SH3PXD2A: variants seen among roughly 807,000 people sequenced by gnomAD.
SH3PXD2A encodes SH3 and PX domains 2A.
SH3PXD2A carries 32 observed loss-of-function variants against 115.2 expected under a neutral mutation model. The observed-to-expected ratio is 0.28, with a 90% CI of 0.21 to 0.37. The LOEUF (loss-of-function observed/expected upper bound fraction) is 0.37. SH3PXD2A is among the 10% of genes least tolerant of loss of function. The pLI is 1.00. For missense variants in SH3PXD2A, 1,328 were observed against 1,498.7 expected, an observed-to-expected ratio of 0.89 and a Z score of 1.88; for synonymous variants, 610 against 629.1, an observed-to-expected ratio of 0.97 and a Z score of 0.45.
intron 3 of SH3PXD2A, among the ~76,000 whole-genome samples, chr10:103,742,699 T>C (rs769115039): frequency 6.6e-6 from 1 of 152,140 alleles, no homozygotes; most frequent in Non-Finnish European, 1.5e-5. Flanking sequence ...GGCATGGCGC[T>C]GGGTGAAATG....
At chr10:103,734,678 G>T (rs1039023162) in intron 4 of SH3PXD2A, among the ~76,000 whole-genome samples, 4 of 152,216 alleles carry the variant, frequency 2.6e-5, no homozygotes, top group Non-Finnish European at 5.9e-5. Flanking sequence ...GAACTCAGGA[G>T]GTGGAGGTTA....
At chr10:103,826,634 T>G (rs757148068) in intron 1 of SH3PXD2A, among the ~76,000 whole-genome samples, 4 of 152,164 alleles carry the variant, frequency 2.6e-5, no homozygotes, top group Non-Finnish European at 5.9e-5. Flanking sequence ...CCCTAGTGAG[T>G]GTAATTCCTT....
chr10:103,646,732 G>A (rs529811392), intron 8 of SH3PXD2A, among the ~76,000 whole-genome samples: 16 of 152,330 alleles, frequency 1.1e-4, no homozygotes, highest in African/African-American at 3.8e-4. Flanking sequence ...CTGGCATACA[G>A]CAGGAGATAA....
intron 2 of SH3PXD2A, among the ~76,000 whole-genome samples, chr10:103,782,961 G>T (rs778444397): frequency 6.6e-6 from 1 of 150,804 alleles, no homozygotes; most frequent in African/African-American, 2.5e-5. Context: ...GATTCTATGA[G>T]AGGTGCCATG....
chr10:103,782,489 G>C (rs566056645), intron 2 of SH3PXD2A, among the ~76,000 whole-genome samples: 26 of 152,314 alleles, frequency 1.7e-4, no homozygotes, highest in African/African-American at 5.8e-4. Flanking sequence ...GAGGACAGCA[G>C]GCCTCTCTCT....
At chr10:103,768,334 G>T (rs933394995) in intron 2 of SH3PXD2A, among the ~76,000 whole-genome samples, 2 of 152,220 alleles carry the variant, frequency 1.3e-5, no homozygotes, top group Non-Finnish European at 2.9e-5. Context: ...GCCTGACCTC[G>T]AGCTAGCAAT....
At chr10:103,701,652 TC>T (rs2037908664) in intron 5 of SH3PXD2A, among the ~76,000 whole-genome samples, 1 of 145,258 alleles carries the variant, frequency 6.9e-6, no homozygotes, top group African/African-American at 2.6e-5. Flanking sequence ...CATCTATCCA[TC>T]CATCCACCAT....
chr10:103,695,828 G>T (rs2037818059), intron 5 of SH3PXD2A, among the ~76,000 whole-genome samples: 1 of 152,222 alleles, frequency 6.6e-6, no homozygotes, highest in South Asian at 2.1e-4. Context: ...ATATCTCTTG[G>T]CCTGCCTGTC....
At chr10:103,739,095 A>G (rs1321377840) in intron 3 of SH3PXD2A, among the ~76,000 whole-genome samples, 2 of 152,188 alleles carry the variant, frequency 1.3e-5, no homozygotes, top group African/African-American at 2.4e-5. Context: ...GTTAAGGAGC[A>G]CTGAGGCCTC....
chr10:103,606,815 G>A (rs886149954), intron 13 of SH3PXD2A, among the ~76,000 whole-genome samples: 4 of 152,250 alleles, frequency 2.6e-5, no homozygotes, highest in African/African-American at 9.6e-5. Context: ...TGCCCAGGCT[G>A]GAGTGCAGCG....
intron 8 of SH3PXD2A, among the ~76,000 whole-genome samples, chr10:103,649,395 C>A (rs148766506): frequency 6.6e-6 from 1 of 152,334 alleles, no homozygotes; most frequent in Non-Finnish European, 1.5e-5. Flanking sequence ...GCTCCTCTTA[C>A]GCAAAGCCTG....
intron 2 of SH3PXD2A, among the ~76,000 whole-genome samples, chr10:103,780,875 C>T (rs1391414429): frequency 6.6e-6 from 1 of 152,204 alleles, no homozygotes; most frequent in African/African-American, 2.4e-5. Flanking sequence ...CGGCTTCACA[C>T]CCTTTGTTGG....
intron 3 of SH3PXD2A, among the ~76,000 whole-genome samples, chr10:103,755,768 T>G (rs2038633739): frequency 6.6e-6 from 1 of 152,190 alleles, no homozygotes; most frequent in South Asian, 2.1e-4. Flanking sequence ...GAGAAGTTCT[T>G]CCTGTCCCTG....
At chr10:103,705,173 C>T (rs1025655541) in intron 5 of SH3PXD2A, among the ~76,000 whole-genome samples, 3 of 152,142 alleles carry the variant, frequency 2.0e-5, no homozygotes, top group African/African-American at 7.2e-5. Context: ...AGCCGTGGGC[C>T]GCCACCTCCA....
At chr10:103,611,171 G>C (rs2036421713) in intron 13 of SH3PXD2A, among the ~76,000 whole-genome samples, 1 of 152,198 alleles carries the variant, frequency 6.6e-6, no homozygotes, top group Admixed American at 6.5e-5. Flanking sequence ...TGCCCTCCCA[G>C]ACTCTGCCAT....
At chr10:103,626,939 G>C in intron 9 of SH3PXD2A, 150 bp downstream of exon 9, 1 of 593,144 alleles carries the variant, frequency 1.7e-6, no homozygotes, top group Non-Finnish European at 3.0e-6. Context: ...GTGAGCTTTT[G>C]GGCCAACCTT....
Position 103,746,823 on chromosome 10 carries a change from T to C in SH3PXD2A, c.230-11015A>G, listed in dbSNP as rs965240521. The C allele has an allele frequency of 1.3e-5, 2 of 152,626 alleles. No homozygotes were observed. Among genetic ancestry groups the C allele is most frequent in the African/African-American group, 4.8e-5 (2 of 41,456 alleles). The allele number at this position is 152,626 out of a possible 1,614,324, so 9.5% of individuals were successfully genotyped here. ...GTGTGTTCGCTGTCCCTGTTCCTGTTCCTGGAGCACTGTTCCTGCTGCCCT... is the reference window on the plus strand; with the variant it reads ...GTGTGTTCGCTGTCCCTGTTCCTGTCCCTGGAGCACTGTTCCTGCTGCCCT... On this transcript the variant is annotated intron_variant, in intron 3 of 14. Transcript: ENST00000369774. This position sits in a 1 kb window ranked among gnomAD's most constrained non-coding sequence, Gnocchi z 4.4.
intron 4 of SH3PXD2A, among the ~76,000 whole-genome samples, chr10:103,733,783 T>A (rs1285300143): frequency 1.3e-5 from 2 of 152,300 alleles, no homozygotes; most frequent in African/African-American, 4.8e-5. Flanking sequence ...TTTATTTTAT[T>A]TTTTTAGGGA....
chr10:103,808,263 T>C (rs544370112), intron 1 of SH3PXD2A, among the ~76,000 whole-genome samples: 1 of 151,372 alleles, frequency 6.6e-6, no homozygotes, highest in South Asian at 2.1e-4. Context: ...TTTTTCTTTT[T>C]TTTTTTGAGA....
Sources: allele counts gnomAD v4.1 joint callset (sites outside exome capture counted in the v4.1 genomes callset), GRCh38; gene constraint gnomAD v4.1.1; non-coding constraint Gnocchi (gnomAD v3.1); transcripts MANE v1.5; gene names NCBI Gene and HGNC (gene_info 2026-07-23, HGNC 2026-07-21).